The following KIAA2012 variants were observed in gnomAD, a reference collection of about 807,000 sequenced individuals.
KIAA2012 encodes the protein KIAA2012.
KIAA2012 carries 125 observed loss-of-function variants against 150.6 expected under a neutral mutation model. That is an observed-to-expected ratio of 0.83 (90% CI 0.72 to 0.96). KIAA2012 has a LOEUF of 0.96. KIAA2012 is among the 40% of genes least tolerant of loss of function. The pLI is 0.00. For missense variants in KIAA2012, 1,219 were observed against 1,354.9 expected, an observed-to-expected ratio of 0.90 and a Z score of 1.57; for synonymous variants, 462 against 504.7, an observed-to-expected ratio of 0.92 and a Z score of 1.13.
intron 13 of KIAA2012, among the ~76,000 whole-genome samples, chr2:202,140,189 T>C (rs964147228): frequency 2.6e-5 from 4 of 152,034 alleles, no homozygotes; most frequent in African/African-American, 9.7e-5. Flanking sequence ...GATCACTCCA[T>C]TGCACTCCAG....
chr2:202,098,906 CAAG>C (rs1689970351), intron 5 of KIAA2012, among the ~76,000 whole-genome samples: 1 of 142,738 alleles, frequency 7.0e-6, no homozygotes, highest in East Asian at 2.1e-4. Flanking sequence ...ATTTGACTAA[CAAG>C]AAGGTCATCT....
chr2:202,150,179 T>C (rs1413615521), intron 13 of KIAA2012, among the ~76,000 whole-genome samples: 1 of 152,246 alleles, frequency 6.6e-6, no homozygotes, highest in Non-Finnish European at 1.5e-5. Context: ...AAATGTCAGA[T>C]AACTTTTTAA....
chr2:202,128,160 CCAA>C (rs1375738006), intron 12 of KIAA2012, among the ~76,000 whole-genome samples: 7 of 152,192 alleles, frequency 4.6e-5, no homozygotes, highest in African/African-American at 1.7e-4. Context: ...ACACTCACCA[CCAA>C]CATGTGCACA....
At chr2:202,073,794 G>A (rs1689260419) in intron 1 of KIAA2012, 83 bp downstream of exon 1, 1 of 1,255,754 alleles carries the variant, frequency 8.0e-7, no homozygotes, top group East Asian at 2.6e-5. Context: ...TAAACCATGT[G>A]TGTCTTGGTT....
At chr2:202,109,017 G>A (rs916432199) in intron 9 of KIAA2012, among the ~76,000 whole-genome samples, 6 of 152,204 alleles carry the variant, frequency 3.9e-5, no homozygotes, top group Admixed American at 3.9e-4. Flanking sequence ...AGAGTGTAGG[G>A]TATGCTCTAT....
intron 12 of KIAA2012, among the ~76,000 whole-genome samples, chr2:202,131,299 C>T (rs1690921959): frequency 6.6e-6 from 1 of 152,204 alleles, no homozygotes; most frequent in African/African-American, 2.4e-5. Context: ...GCCACCACAC[C>T]TGGCTAATTT....
At chr2:202,099,848 A>G (rs899461043) in intron 6 of KIAA2012, 52 bp downstream of exon 6, 2 of 1,435,290 alleles carry the variant, frequency 1.4e-6, no homozygotes, top group African/African-American at 2.9e-5. Flanking sequence ...AGTCATGCAG[A>G]GTTCATTTAA....
intron 2 of KIAA2012, among the ~76,000 whole-genome samples, 152 bp downstream of exon 2, chr2:202,075,327 C>G (rs1574997073): frequency 6.6e-6 from 1 of 152,212 alleles, no homozygotes; most frequent in South Asian, 2.1e-4. Context: ...TGACTGTACT[C>G]TTAGCCCTAT....
Position 202,103,362 on chromosome 2 carries a change from A to AG in KIAA2012, c.1324+249dup, listed in dbSNP as rs1178085813. Among the ~76,000 whole-genome samples, 20 of 152,364 alleles carry AG rather than the reference A, an allele frequency of 1.3e-4. No homozygotes were observed. In the East Asian group the frequency reaches 1.3e-3, roughly 10 times the overall value. ...TTGTTAAGCTGTGGAAGAGAAAGGA[A>AG]GACAGGTATTTACATAAGTAAGTCC... On this transcript the variant is annotated intron_variant, in intron 8 of 23. Coordinates refer to ENST00000498697, the MANE Select transcript of KIAA2012 (RefSeq NM_001277372.4).
At chr2:202,156,109 G>A (rs1485112516) in intron 14 of KIAA2012, among the ~76,000 whole-genome samples, 2 of 152,048 alleles carry the variant, frequency 1.3e-5, no homozygotes, top group African/African-American at 4.8e-5. Context: ...TGGGAGGATC[G>A]CTTGAGTCCA....
At chr2:202,097,358 G>T in intron 4 of KIAA2012, 77 bp from the exon 5 acceptor site, 1 of 1,533,094 alleles carries the variant, frequency 6.5e-7, no homozygotes, top group Non-Finnish European at 8.8e-7. Context: ...GAAGCAAGAA[G>T]GGAGGCAGTT....
intron 13 of KIAA2012, among the ~76,000 whole-genome samples, chr2:202,153,217 C>T (rs867413408): frequency 1.1e-4 from 17 of 152,262 alleles, no homozygotes; most frequent in Middle Eastern, 3.4e-3. Context: ...ACAATGGGAA[C>T]GGAACAGCCA....
rs138464518 is a variant in KIAA2012, at chr2:202,178,083, C to T, written c.2120-6670C>T. Among the ~76,000 whole-genome samples, 288 of 152,260 alleles carry T rather than the reference C, an allele frequency of 1.9e-3. 1 individual carries two copies. Among genetic ancestry groups the T allele is most frequent in the African/African-American group, 6.1e-3 (255 of 41,554 alleles). On this transcript the variant is annotated intron_variant, in intron 15 of 23. Transcript: ENST00000498697. ...GCATGGTGGCGTACACCTGTAATCCCAGCTACTTGGGAGGCTGAGGCAGGA... is the reference window on the plus strand; with the variant it reads ...GCATGGTGGCGTACACCTGTAATCCTAGCTACTTGGGAGGCTGAGGCAGGA...
Position 202,154,670 on chromosome 2 carries a change from C to T in KIAA2012, c.1909-3C>T. 6.5e-7 allele frequency: 1 copy of T among 1,530,660 alleles called. No homozygotes were observed. The highest frequency in any genetic ancestry group is 8.8e-7 in the Non-Finnish European group (1 of 1,141,986). 94.8% of individuals were successfully genotyped at this position (1,530,660 alleles called of 1,614,324 possible). Reference sequence around the variant, plus strand: ...AGTTCGGGCTTTCTGCTTCTCTTCACAGGGAGCCCAGCAGTCCTTGGAGGC... The same window carrying T: ...AGTTCGGGCTTTCTGCTTCTCTTCATAGGGAGCCCAGCAGTCCTTGGAGGC... On this transcript the variant is annotated splice_polypyrimidine_tract_variant and splice_region_variant and intron_variant, in intron 13 of 23. Transcript: ENST00000498697.
At chr2:202,080,639 T>C (rs1448896758) in intron 2 of KIAA2012, among the ~76,000 whole-genome samples, 1 of 142,960 alleles carries the variant, frequency 7.0e-6, no homozygotes, top group South Asian at 2.2e-4. Context: ...AAGGCTGTGG[T>C]GAGCCAAGAT....
intron 11 of KIAA2012, among the ~76,000 whole-genome samples, chr2:202,120,586 T>C (rs1690633488): frequency 6.6e-6 from 1 of 152,114 alleles, no homozygotes; most frequent in African/African-American, 2.4e-5. Context: ...GACCTCAAAG[T>C]TCCCTCTCTA....
chr2:202,167,827 G>A (rs1691803599), intron 15 of KIAA2012, among the ~76,000 whole-genome samples: 1 of 151,966 alleles, frequency 6.6e-6, no homozygotes, highest in African/African-American at 2.4e-5. Flanking sequence ...CTGGATGACA[G>A]AGCAAGACCC....
chr2:202,074,350 T>A (rs552316163), intron 1 of KIAA2012, among the ~76,000 whole-genome samples: 8 of 152,206 alleles, frequency 5.3e-5, no homozygotes, highest in Non-Finnish European at 1.2e-4. Flanking sequence ...AAACGGCATA[T>A]AAAGTTTCAA....
rs1174833461 is a variant in KIAA2012 at position 202,125,269 on chromosome 2, G to T, written c.1818G>T (p.Gln606His). Residue 606 changes from glutamine to histidine, a missense_variant, in exon 12 of 24, where the codon CAG (glutamine) becomes CAT (histidine). Physicochemically the swap from Gln to His is conservative, Grantham distance 24 (BLOSUM62 0). Transcript: ENST00000498697. ...ATGAAGAGGAAGGGCCTAGTAGTCA[G>T]CATTTCCTAAAAGGTAAGCTTTTCC... Reference protein sequence around the residue: ...ISHEEEGPSSQHFLKANTEPR... With the variant: ...ISHEEEGPSSHHFLKANTEPR... The T allele has an allele frequency of 4.5e-6, 7 of 1,549,954 alleles. No homozygotes were observed. The highest frequency in any genetic ancestry group is 6.1e-6 in the Non-Finnish European group (7 of 1,146,542).
Sources: gnomAD v4.1 joint callset for allele counts (sites outside exome capture counted in the v4.1 genomes callset) on GRCh38, gnomAD v4.1.1 for gene constraint, MANE v1.5 for transcripts, NCBI Gene and HGNC (gene_info 2026-07-23, HGNC 2026-07-21) for gene names.